The following PRMT8 variants were observed in gnomAD, a reference collection of about 807,000 sequenced individuals.
PRMT8 encodes the protein protein arginine methyltransferase 8, also known as protein arginine N-methyltransferase 8.
PRMT8 carries 7 observed loss-of-function variants against 47.1 expected under a neutral mutation model. The ratio of observed to expected loss-of-function variants is 0.15; its 90% CI spans 0.08 to 0.28. PRMT8 has a LOEUF of 0.28. Among genes scored for constraint, PRMT8 ranks in the 10% least tolerant of loss-of-function variants. PRMT8 has a pLI of 1.00. For missense variants in PRMT8, 237 were observed against 505.4 expected, an observed-to-expected ratio of 0.47 and a Z score of 5.09; for synonymous variants, 188 against 186.5, an observed-to-expected ratio of 1.01 and a Z score of -0.07.
At chr12:3,398,703 G>C (rs1864287905) in intron 1 of PRMT8, among the ~76,000 whole-genome samples, 1 of 152,170 alleles carries the variant, frequency 6.6e-6, no homozygotes. Flanking sequence ...CTGTGCTGGA[G>C]GAGACTGGTA....
chr12:3,487,994 C>A (rs1306457886), upstream of PRMT8, among the ~76,000 whole-genome samples: 1 of 152,186 alleles, frequency 6.6e-6, no homozygotes, highest in Non-Finnish European at 1.5e-5. Flanking sequence ...CACTGTATAG[C>A]CAAGGTTGAG....
rs750637534 is a variant in PRMT8 at position 3,583,139 on chromosome 12, G to A, written c.910G>A (p.Val304Ile). 39 of 1,613,994 alleles carry A rather than the reference G, an allele frequency of 2.4e-5. No individual in the cohort carries two copies. Among genetic ancestry groups the A allele is most frequent in the South Asian group, 2.2e-4 (20 of 91,066 alleles). The change falls in exon 8 of 10, where the codon GTC becomes ATC. Residue 304 changes from valine (V) to isoleucine (I), a missense_variant. Coordinates refer to ENST00000382622, the MANE Select transcript of PRMT8 (RefSeq NM_019854.5). The surrounding 1 kb of genome is among the most constrained non-coding windows in gnomAD (Gnocchi z 4.7). Reference sequence around the variant, plus strand: ...CCTGCAGATACAGCGCAACGACTACGTCCACGCCCTGGTCACCTATTTTAA... The same window carrying A: ...CCTGCAGATACAGCGCAACGACTACATCCACGCCCTGGTCACCTATTTTAA... ...FCLQIQRNDY[V>I]HALVTYFNIE... is the part of the protein sequence containing the mutation.
intron 1 of PRMT8, among the ~76,000 whole-genome samples, chr12:3,410,972 C>G (rs546497574): frequency 7.9e-5 from 12 of 152,320 alleles, no homozygotes; most frequent in African/African-American, 2.6e-4. Context: ...TGATTTTCCT[C>G]CAGAAAGTAC....
In PRMT8 at chr12:3,494,479, C is replaced by G. The variant is rs368647129; in HGVS notation, c.75+2779C>G. On this transcript the variant is annotated intron_variant, in intron 1 of 9. Coordinates refer to ENST00000382622, the MANE Select transcript of PRMT8 (RefSeq NM_019854.5). ...AGCCCTGAAACACAGACTGCCCCCACTTCTGATTCATTGCTGTTTGCCCTG... is the reference window on the plus strand; with the variant it reads ...AGCCCTGAAACACAGACTGCCCCCAGTTCTGATTCATTGCTGTTTGCCCTG... Among the ~76,000 whole-genome samples, 60 of 152,300 alleles carry G rather than the reference C, an allele frequency of 3.9e-4. No homozygotes were observed. In the East Asian group the frequency reaches 5.2e-3, roughly 13 times the overall value.
At chr12:3,467,239 C>CAAAAAAAAA (rs10694948) in intron 1 of PRMT8, among the ~76,000 whole-genome samples, 23 of 48,812 alleles carry the variant, frequency 4.7e-4, no homozygotes, top group South Asian at 3.2e-3. Flanking sequence ...GACTCCATCT[C>CAAAAAAAAA]AAAAAAAAAA....
At chr12:3,449,517 T>C (rs1209491956) in intron 1 of PRMT8, among the ~76,000 whole-genome samples, 1 of 152,250 alleles carries the variant, frequency 6.6e-6, no homozygotes, top group Non-Finnish European at 1.5e-5. Flanking sequence ...ATATGTTTGT[T>C]GGCTGCATAA....
Position 3,588,026 on chromosome 12 carries a change from C to G in PRMT8, c.980-4205C>G, listed in dbSNP as rs925574233. 4.6e-5 allele frequency among the ~76,000 whole-genome samples: 7 copies of G among 152,224 alleles called. No homozygotes were observed. The East Asian group carries it at 1.2e-3, about 25-fold the overall frequency. On this transcript the variant is annotated intron_variant, in intron 8 of 9. Transcript: ENST00000382622. ...GTGGGAACTGGGGCCCCTGGGGCTG[C>G]TGTGTAATCCAGGAAAGCCAGGTAG...
intron 4 of PRMT8, 146 bp downstream of exon 4, chr12:3,553,860 G>A: frequency 1.4e-6 from 1 of 733,696 alleles, no homozygotes; most frequent in Admixed American, 2.1e-5. Flanking sequence ...CAGCAAGACT[G>A]CGGCCATGGG....
intron 1 of PRMT8, among the ~76,000 whole-genome samples, chr12:3,532,101 A>G (rs993721944): frequency 3.9e-5 from 6 of 152,100 alleles, no homozygotes; most frequent in African/African-American, 1.4e-4. Context: ...CATGGATTAT[A>G]AAACAGAAAC....
chr12:3,524,993 C>T (rs756049611), intron 1 of PRMT8, among the ~76,000 whole-genome samples: 42 of 152,234 alleles, frequency 2.8e-4, no homozygotes, highest in South Asian at 8.3e-4. Flanking sequence ...GAGACCGAGG[C>T]GGGTGGATCA....
intron 1 of PRMT8, among the ~76,000 whole-genome samples, chr12:3,536,935 AC>A (rs1397407449): frequency 6.6e-6 from 1 of 152,198 alleles, no homozygotes; most frequent in Non-Finnish European, 1.5e-5. Flanking sequence ...GTTGACTCCT[AC>A]CTTTTGTCAC....
intron 1 of PRMT8, among the ~76,000 whole-genome samples, chr12:3,415,748 T>C (rs1019704927): frequency 6.6e-6 from 1 of 152,248 alleles, no homozygotes; most frequent in Non-Finnish European, 1.5e-5. Flanking sequence ...TCAGTACATC[T>C]TCTCCAAACC....
intron 1 of PRMT8, among the ~76,000 whole-genome samples, chr12:3,437,755 C>T (rs1412371709): frequency 1.3e-5 from 2 of 151,780 alleles, no homozygotes; most frequent in African/African-American, 2.4e-5. Flanking sequence ...ACTGTGTGAC[C>T]TTAGGGATGT....
At position 3,569,945 on chromosome 12, in the gene PRMT8, T is replaced by C. The variant is rs1249449853; in HGVS notation, c.712+381T>C. 6.6e-6 allele frequency among the ~76,000 whole-genome samples: 1 copy of C among 152,234 alleles called. No homozygotes were observed. Among genetic ancestry groups the C allele is most frequent in the Non-Finnish European group, 1.5e-5 (1 of 68,044 alleles). On this transcript the variant is annotated intron_variant, in intron 6 of 9. Transcript: ENST00000382622. This position sits in a 1 kb window ranked among gnomAD's most constrained non-coding sequence, Gnocchi z 8.2. ...CACCGCAGGGGTCTGAAGTAGCAGG[T>C]CTCTTGCCAGGCCAATTGTTTTGAA...
Position 3,540,775 on chromosome 12 carries a change from A to G in PRMT8, c.245A>G (p.His82Arg), listed in dbSNP as rs1241222245. ...GATTATTACTTCGACTCCTATGCCC[A>G]CTTTGGGATCCACGAGGTAAAGTGT... ...SRDYYFDSYA[H>R]FGIHEEMLKD... Residue 82 changes from histidine (H) to arginine (R), a missense_variant, in exon 2 of 10, where the codon CAC (histidine) becomes CGC (arginine). His to Arg is a conservative substitution (Grantham distance 29, BLOSUM62 0). This residue lies in a region of PRMT8 where 32 missense variants were observed against 73.7 expected (regional missense o/e 0.43). Coordinates refer to ENST00000382622, the MANE Select transcript of PRMT8 (RefSeq NM_019854.5). The G allele has an allele frequency of 1.2e-6, 2 of 1,613,784 alleles. No individual in the cohort carries two copies. The highest frequency in any genetic ancestry group is 1.7e-5 in the Admixed American group (1 of 59,966).
At chr12:3,396,206 A>G (rs1156407273) in intron 1 of PRMT8, among the ~76,000 whole-genome samples, 1 of 152,136 alleles carries the variant, frequency 6.6e-6, no homozygotes, top group African/African-American at 2.4e-5. Flanking sequence ...CATTTAGTCC[A>G]TTTACATTTA....
intron 1 of PRMT8, among the ~76,000 whole-genome samples, chr12:3,479,622 AG>A (rs1360805739): frequency 6.6e-6 from 1 of 152,200 alleles, no homozygotes; most frequent in African/African-American, 2.4e-5. Flanking sequence ...TCTCTTGGGA[AG>A]GCTTTCCTGC....
At chr12:3,537,356 A>G (rs559001537) in intron 1 of PRMT8, among the ~76,000 whole-genome samples, 1 of 152,354 alleles carries the variant, frequency 6.6e-6, no homozygotes, top group African/African-American at 2.4e-5. Context: ...CCTTTCCCCA[A>G]TATTACATTG....
At chr12:3,511,811 G>A (rs948010146) in intron 1 of PRMT8, among the ~76,000 whole-genome samples, 1 of 152,110 alleles carries the variant, frequency 6.6e-6, no homozygotes, top group Non-Finnish European at 1.5e-5. Context: ...AAGAGCTAAA[G>A]GGGAAAAAAA....
Sources: allele counts gnomAD v4.1 joint callset (sites outside exome capture counted in the v4.1 genomes callset), GRCh38; gene constraint gnomAD v4.1.1; regional missense constraint gnomAD v4.1.1; non-coding constraint Gnocchi (gnomAD v3.1); transcripts MANE v1.5; gene names NCBI Gene and HGNC (gene_info 2026-07-23, HGNC 2026-07-21).